The following KIAA1755 variants were observed in gnomAD, a reference collection of about 807,000 sequenced individuals.
KIAA1755 encodes KIAA1755.
Under a neutral mutation model 91.7 loss-of-function variants are expected in KIAA1755, and 68 were observed. The observed-to-expected ratio is 0.74, with a 90% CI of 0.61 to 0.91. The LOEUF is 0.91. KIAA1755 is among the 40% of genes least tolerant of loss of function. The probability of loss-of-function intolerance (pLI) is 0.00; values close to 1 mark genes in which losing one functional copy is unlikely to be tolerated. For missense variants in KIAA1755, 1,535 were observed against 1,494.4 expected (o/e 1.03, Z -0.45); for synonymous variants, 610 against 604.6 (o/e 1.01, Z -0.13).
At chr20:38,234,867 T>C (rs775888192) in intron 4 of KIAA1755, among the ~76,000 whole-genome samples, 1 of 152,192 alleles carries the variant, frequency 6.6e-6, no homozygotes, top group Non-Finnish European at 1.5e-5. Flanking sequence ...CCAAATGTTA[T>C]CCTCACCTAC....
rs1040949378 is a variant in KIAA1755 at position 38,240,709 on chromosome 20, T to C, written c.1422A>G (p.Ser474=). The C allele has an allele frequency of 1.9e-6, 3 of 1,566,820 alleles. No individual in the cohort carries two copies. The highest frequency in any genetic ancestry group is 2.7e-5 in the African/African-American group (2 of 73,346). Reference sequence around the variant, plus strand: ...AGGGTTGCCTCTGCCCTCTCAAGAATGAGAATTTGAGCCCAGGAGTGGGGG... The same window carrying C: ...AGGGTTGCCTCTGCCCTCTCAAGAACGAGAATTTGAGCCCAGGAGTGGGGG... ...PEPPTPGLKF[S]FLRGQRQPSV... is the part of the protein sequence containing the mutation. Residue 474 remains serine, a synonymous_variant, in exon 3 of 14, where the codon TCA becomes TCG. Coordinates refer to ENST00000279024, the MANE Select transcript of KIAA1755 (RefSeq NM_001029864.2).
chr20:38,241,028 G>A lies in KIAA1755; in HGVS notation c.1103C>T (p.Pro368Leu), dbSNP rs765698430. The A allele has an allele frequency of 4.3e-5, 70 of 1,614,040 alleles. No individual in the cohort carries two copies. Among genetic ancestry groups the A allele is most frequent in the South Asian group, 5.5e-5 (5 of 91,090 alleles). ...GACATTCATGTAGGAGCCTTGGGGCGGCCTTTCTGAGTTGTGGGTGGGTGC... is the reference window on the plus strand; with the variant it reads ...GACATTCATGTAGGAGCCTTGGGGCAGCCTTTCTGAGTTGTGGGTGGGTGC... ...LKAPTHNSER[P>L]PQGSYMNVLE... The change falls in exon 3 of 14, where the codon CCG (proline) becomes CTG (leucine). Residue 368 changes from proline (P) to leucine (L), a missense_variant. Pro to Leu is a moderately conservative substitution (Grantham distance 98). Transcript: ENST00000279024.
In KIAA1755 at chr20:38,246,077, T is replaced by C. The variant is rs1394914764; in HGVS notation, c.53A>G (p.Tyr18Cys). ...TAIQHALAGL[Y>C]PPFEATAPTV... is the part of the protein sequence containing the mutation. ...GGGTGCTGTGGCCTCGAAAGGAGGA[T>C]AGAGGCCCGCCAGGGCATGCTGGAT... The change falls in exon 2 of 14, where the codon TAT (tyrosine) becomes TGT (cysteine). Residue 18 changes from tyrosine (Y) to cysteine (C), a missense_variant. By Grantham distance (194) the Tyr-to-Cys change is radical. Coordinates refer to ENST00000279024, the MANE Select transcript of KIAA1755 (RefSeq NM_001029864.2). 9 of 1,613,834 alleles carry C rather than the reference T, an allele frequency of 5.6e-6. 1 individual carries two copies.
chr20:38,221,566 T>A (rs1414982512), intron 10 of KIAA1755, among the ~76,000 whole-genome samples: 1 of 152,172 alleles, frequency 6.6e-6, no homozygotes, highest in Non-Finnish European at 1.5e-5. Context: ...CCTGGACTAA[T>A]CACTTACCTT....
chr20:38,255,401 C>T (rs1030933999), intron 1 of KIAA1755, among the ~76,000 whole-genome samples: 9 of 152,214 alleles, frequency 5.9e-5, no homozygotes, highest in Non-Finnish European at 8.8e-5. Flanking sequence ...GCACACACCC[C>T]CTCTCATCAG....
At chr20:38,246,635 T>G (rs2076166149) in intron 1 of KIAA1755, among the ~76,000 whole-genome samples, 1 of 152,140 alleles carries the variant, frequency 6.6e-6, no homozygotes, top group Non-Finnish European at 1.5e-5. Context: ...GTGATTGCTG[T>G]TTTGCCACTG....
Position 38,217,464 on chromosome 20 carries a change from C to T in KIAA1755, c.2690G>A (p.Arg897His), listed in dbSNP as rs150964778. ...NFFLQAAAQYRRGLELSKQAA... is the reference protein window; with the variant it reads ...NFFLQAAAQYHRGLELSKQAA... ...CTGCTTGGACAGCTCCAGGCCTCGGCGGTACTGGGCCTGAGAGGGGAGAGG... is the reference window on the plus strand; with the variant it reads ...CTGCTTGGACAGCTCCAGGCCTCGGTGGTACTGGGCCTGAGAGGGGAGAGG... Residue 897 changes from arginine to histidine, a missense_variant, in exon 13 of 14, where the codon CGC becomes CAC. Arg to His is a conservative substitution (Grantham distance 29). Transcript: ENST00000279024. The T allele has an allele frequency of 3.1e-5, 50 of 1,605,760 alleles. No individual in the cohort carries two copies. Among genetic ancestry groups the T allele is most frequent in the East Asian group, 6.7e-5 (3 of 44,482 alleles).
chr20:38,227,566 A>G (rs549048654), intron 6 of KIAA1755, among the ~76,000 whole-genome samples: 2 of 152,290 alleles, frequency 1.3e-5, no homozygotes, highest in South Asian at 4.1e-4. Flanking sequence ...GCTGCCCATA[A>G]TTGCTGGATA....
At chr20:38,222,311 A>T in intron 10 of KIAA1755, 138 bp downstream of exon 10, 1 of 872,684 alleles carries the variant, frequency 1.1e-6, no homozygotes, top group Non-Finnish European at 1.8e-6. Flanking sequence ...TCAGCCTGGG[A>T]TACAGGCCCT....
intron 1 of KIAA1755, among the ~76,000 whole-genome samples, chr20:38,250,233 G>A (rs143559748): frequency 2.0e-5 from 3 of 152,102 alleles, no homozygotes; most frequent in East Asian, 1.9e-4. Context: ...CAGACTGCCC[G>A]GGTTCAAACT....
chr20:38,212,798 A>C lies in KIAA1755; in HGVS notation c.*244T>G, dbSNP rs1240378582. ...CTGGAGGGATGGAGCCAATCACACC[A>C]TTTATTGTGCCCTGGTTCTGACGCC... is the stretch of plus-strand genomic sequence containing the variant. On this transcript the variant is annotated 3_prime_UTR_variant, in exon 14 of 14. Transcript: ENST00000279024. 1 of 446,806 alleles carries C rather than the reference A, an allele frequency of 2.2e-6. No individual in the cohort carries two copies. The highest frequency in any genetic ancestry group is 3.3e-5 in the East Asian group (1 of 30,218). 27.7% of individuals were successfully genotyped at this position (446,806 alleles called of 1,614,324 possible). A position where few individuals can be genotyped will look rare whatever the true frequency, so the allele number is the denominator to read the frequency against.
chr20:38,240,729 T>A lies in KIAA1755; in HGVS notation c.1402A>T (p.Thr468Ser). Reference sequence around the variant, plus strand: ...AAGAATGAGAATTTGAGCCCAGGAGTGGGGGGCTCAGGGGAGGAGGTGTTT... The same window carrying A: ...AAGAATGAGAATTTGAGCCCAGGAGAGGGGGGCTCAGGGGAGGAGGTGTTT... ...SRNTSSPEPP[T>S]PGLKFSFLRG... Residue 468 changes from threonine (T) to serine (S), a missense_variant, in exon 3 of 14, where the codon ACT becomes TCT. Thr to Ser is a moderately conservative substitution (Grantham distance 58, BLOSUM62 1). Coordinates refer to ENST00000279024, the MANE Select transcript of KIAA1755 (RefSeq NM_001029864.2). 6.4e-7 allele frequency: 1 copy of A among 1,567,854 alleles called. No individual in the cohort carries two copies. The highest frequency in any genetic ancestry group is 8.6e-7 in the Non-Finnish European group (1 of 1,157,328).
At chr20:38,243,465 C>A (rs2076103151) in intron 2 of KIAA1755, among the ~76,000 whole-genome samples, 1 of 152,206 alleles carries the variant, frequency 6.6e-6, no homozygotes, top group African/African-American at 2.4e-5. Flanking sequence ...AACAGCCCAG[C>A]CATTTTTTGC....
chr20:38,213,532 C>G lies in KIAA1755; in HGVS notation c.3113G>C (p.Arg1038Pro). 1 of 1,609,880 alleles carries G rather than the reference C, an allele frequency of 6.2e-7. No individual in the cohort carries two copies. The highest frequency in any genetic ancestry group is 8.5e-7 in the Non-Finnish European group (1 of 1,178,498). Residue 1038 changes from arginine (R) to proline (P), a missense_variant, in exon 14 of 14, where the codon CGG (arginine) becomes CCG (proline). Physicochemically the swap from Arg to Pro is moderately radical, Grantham distance 103. Coordinates refer to ENST00000279024, the MANE Select transcript of KIAA1755 (RefSeq NM_001029864.2). ...GLGQELWEEARIRHEEIRMLL... is the reference protein window; with the variant it reads ...GLGQELWEEAPIRHEEIRMLL... The stretch of plus-strand genomic sequence containing the variant: ...CATCCGGATCTCCTCATGCCTGATC[C>G]GGGCCTCCTCCCATAGCTCCTGGCC...
intron 8 of KIAA1755, among the ~76,000 whole-genome samples, chr20:38,224,033 G>T (rs2075710627): frequency 6.6e-6 from 1 of 152,182 alleles, no homozygotes; most frequent in African/African-American, 2.4e-5. Flanking sequence ...AACATTTTCA[G>T]CTGAGTCCCA....
Position 38,210,985 on chromosome 20 carries a change from C to T in KIAA1755, c.*2057G>A, listed in dbSNP as rs1048525697. On this transcript the variant is annotated 3_prime_UTR_variant, in exon 14 of 14. Transcript: ENST00000279024. Reference sequence around the variant, plus strand: ...GACTCAGGCCCCAGCCCCGGGTGTTCCCCAAATGCACCCCCACTTTGCTGA... The same window carrying T: ...GACTCAGGCCCCAGCCCCGGGTGTTTCCCAAATGCACCCCCACTTTGCTGA... The T allele has an allele frequency of 1.3e-5, 2 of 152,272 alleles. No individual in the cohort carries two copies. The highest frequency in any genetic ancestry group is 4.8e-5 in the African/African-American group (2 of 41,466). The allele number at this position is 152,272 out of a possible 1,614,324, so 9.4% of individuals were successfully genotyped here.
At chr20:38,246,696 G>T (rs1248710450) in intron 1 of KIAA1755, among the ~76,000 whole-genome samples, 1 of 152,150 alleles carries the variant, frequency 6.6e-6, no homozygotes, top group Non-Finnish European at 1.5e-5. Flanking sequence ...GTCCACGGCT[G>T]CAGACTGTAC....
intron 10 of KIAA1755, among the ~76,000 whole-genome samples, chr20:38,221,837 A>AC (rs1391470420): frequency 6.6e-6 from 1 of 152,112 alleles, no homozygotes; most frequent in Non-Finnish European, 1.5e-5. Context: ...ACTTTTCCCC[A>AC]CCCCCTAAAT....
intron 1 of KIAA1755, among the ~76,000 whole-genome samples, chr20:38,258,146 C>T (rs2076372050): frequency 6.6e-6 from 1 of 152,146 alleles, no homozygotes; most frequent in Non-Finnish European, 1.5e-5. Context: ...GGTGATCCGC[C>T]AGCCTCGGCC....
Sources: gnomAD v4.1 joint callset for allele counts (sites outside exome capture counted in the v4.1 genomes callset) on GRCh38, gnomAD v4.1.1 for gene constraint, MANE v1.5 for transcripts, NCBI Gene and HGNC (gene_info 2026-07-23, HGNC 2026-07-21) for gene names.